CWF19L2: variants seen among roughly 807,000 people sequenced by gnomAD.
CWF19L2 encodes the protein CWF19-like protein 2.
In CWF19L2, 98 loss-of-function variants were observed where a neutral mutation model predicts 111.7. The observed-to-expected ratio is 0.88, with a 90% confidence interval of 0.75 to 1.04. CWF19L2 has a LOEUF of 1.04. CWF19L2 is among the 50% of genes least tolerant of loss of function. The probability of loss-of-function intolerance (pLI) is 0.00; values close to 1 mark genes in which losing one functional copy is unlikely to be tolerated. For synonymous variants in CWF19L2, 351 were observed against 342.9 expected, an observed-to-expected ratio of 1.02 and a Z score of -0.26; for missense variants, 1,101 against 1,051.4, an observed-to-expected ratio of 1.05 and a Z score of -0.65.
Position 107,455,625 on chromosome 11 carries a change from G to A in CWF19L2, c.216+41C>T, listed in dbSNP as rs377601919. ...TATTAACTTGAATACGTGCAAAAAA[G>A]GACAGATATCCTTACATCACGTAAA... is the stretch of plus-strand genomic sequence containing the variant. On this transcript the variant is annotated intron_variant, in intron 2 of 17. Transcript: ENST00000282251. 82 of 1,165,160 alleles carry A rather than the reference G, an allele frequency of 7.0e-5. No individual in the cohort carries two copies. The African/African-American group carries it at 1.1e-3, about 15-fold the overall frequency. The allele number at this position is 1,165,160 out of a possible 1,614,324, so 72.2% of individuals were successfully genotyped here. A position where few individuals can be genotyped will look rare whatever the true frequency, so the allele number is the denominator to read the frequency against.
At chr11:107,445,067 T>A (rs1383253448) in intron 3 of CWF19L2, among the ~76,000 whole-genome samples, 2 of 151,938 alleles carry the variant, frequency 1.3e-5, no homozygotes, top group African/African-American at 4.8e-5. Flanking sequence ...GAAATAGAAA[T>A]CAGCAAAAAT....
At chr11:107,351,669 C>T (rs513717) in intron 13 of CWF19L2, among the ~76,000 whole-genome samples, 81,724 of 151,928 alleles carry the variant, frequency 0.54, 23,041 homozygotes, top group African/African-American at 0.72. Flanking sequence ...TTATTTACTA[C>T]TCCATATACT....
At chr11:107,391,491 C>T (rs556793839) in intron 11 of CWF19L2, among the ~76,000 whole-genome samples, 53 of 152,262 alleles carry the variant, frequency 3.5e-4, no homozygotes, top group Middle Eastern at 6.8e-3. Flanking sequence ...GTTACAGTAG[C>T]CTGAACTAAG....
rs576158706 is a variant in CWF19L2 at position 107,358,612 on chromosome 11, T to C, written c.1873-4876A>G. On this transcript the variant is annotated intron_variant, in intron 12 of 17. Transcript: ENST00000282251. ...AGTCAGTCATTTAAAAAAACACTATTCTATGATTCCATTCATATGAAATGT... is the reference window on the plus strand; with the variant it reads ...AGTCAGTCATTTAAAAAAACACTATCCTATGATTCCATTCATATGAAATGT... Among the ~76,000 whole-genome samples the C allele has an allele frequency of 2.6e-5, 4 of 152,332 alleles. No homozygotes were observed. In the East Asian group the frequency reaches 7.7e-4, roughly 29 times the overall value.
intron 10 of CWF19L2, among the ~76,000 whole-genome samples, chr11:107,401,846 A>G (rs983704230): frequency 6.6e-5 from 10 of 152,246 alleles, no homozygotes; most frequent in Non-Finnish European, 1.3e-4. Flanking sequence ...ATAAGGCCAT[A>G]GTCACCAAAA....
chr11:107,427,463 T>C (rs974722868), intron 8 of CWF19L2, among the ~76,000 whole-genome samples: 1 of 152,122 alleles, frequency 6.6e-6, no homozygotes, highest in East Asian at 1.9e-4. Context: ...GCCTGTATTA[T>C]AGTGTATCTA....
intron 8 of CWF19L2, among the ~76,000 whole-genome samples, chr11:107,427,304 G>A (rs1443798257): frequency 6.6e-6 from 1 of 151,714 alleles, no homozygotes; most frequent in Non-Finnish European, 1.5e-5. Flanking sequence ...CAAACCCTCT[G>A]TACCATCAAA....
intron 12 of CWF19L2, among the ~76,000 whole-genome samples, chr11:107,359,844 G>C (rs58976500): frequency 6.6e-6 from 1 of 152,016 alleles, no homozygotes; most frequent in Non-Finnish European, 1.5e-5. Context: ...CTGCTACCTC[G>C]CTGCTATGAC....
intron 12 of CWF19L2, among the ~76,000 whole-genome samples, chr11:107,362,579 G>C (rs1860371200): frequency 6.6e-6 from 1 of 152,054 alleles, no homozygotes; most frequent in Admixed American, 6.5e-5. Context: ...ACCTCACATG[G>C]CTGGGTACTC....
intron 14 of CWF19L2, among the ~76,000 whole-genome samples, chr11:107,344,221 T>C (rs912895583): frequency 2.6e-5 from 4 of 151,958 alleles, no homozygotes; most frequent in Admixed American, 1.3e-4. Flanking sequence ...TCAAAAAAAG[T>C]TTCTGGGGCT....
intron 8 of CWF19L2, among the ~76,000 whole-genome samples, chr11:107,421,744 T>G (rs2135402265): frequency 6.6e-6 from 1 of 152,238 alleles, no homozygotes; most frequent in Middle Eastern, 3.4e-3. Flanking sequence ...GAAACTCTTA[T>G]ACACTGTTGG....
At chr11:107,456,884 AT>A (rs1861863344) in intron 1 of CWF19L2, among the ~76,000 whole-genome samples, 1 of 152,122 alleles carries the variant, frequency 6.6e-6, no homozygotes, top group Non-Finnish European at 1.5e-5. Flanking sequence ...CCCTCAAATT[AT>A]TTGCCAAATT....
rs1368189052 is a variant in CWF19L2 at position 107,443,001 on chromosome 11, T to C, written c.388A>G (p.Lys130Glu). 1.3e-6 allele frequency: 2 copies of C among 1,551,942 alleles called. No individual in the cohort carries two copies. Among genetic ancestry groups the C allele is most frequent in the Middle Eastern group, 3.3e-4 (2 of 5,992 alleles). The change falls in exon 4 of 18, where the codon AAG becomes GAG. Residue 130 changes from lysine (K) to glutamate (E), a missense_variant. Lys to Glu is a moderately conservative substitution (Grantham distance 56). Coordinates refer to ENST00000282251, the MANE Select transcript of CWF19L2 (RefSeq NM_152434.3). Reference protein sequence around the residue: ...VEAVPSQTPDKEKAWKVKDEK... With the variant: ...VEAVPSQTPDEEKAWKVKDEK... Reference sequence around the variant, plus strand: ...TCTTTCACTTTCCAGGCTTTTTCCTTGTCAGGAGTCTGGGATGGAACAGCC... The same window carrying C: ...TCTTTCACTTTCCAGGCTTTTTCCTCGTCAGGAGTCTGGGATGGAACAGCC...
rs914960623 is a variant in CWF19L2 at position 107,455,825 on chromosome 11, G to T, written c.106-49C>A. On this transcript the variant is annotated intron_variant, in intron 1 of 17. Coordinates refer to ENST00000282251, the MANE Select transcript of CWF19L2 (RefSeq NM_152434.3). Reference sequence around the variant, plus strand: ...ACAAACTGGCAATTGACCCAACTGGGTTTCACAAAAAAAGGAAAACAAAAA... The same window carrying T: ...ACAAACTGGCAATTGACCCAACTGGTTTTCACAAAAAAAGGAAAACAAAAA... 17 of 1,169,028 alleles carry T rather than the reference G, an allele frequency of 1.5e-5. No homozygotes were observed. In the East Asian group the frequency reaches 4.1e-4, roughly 28 times the overall value. The allele number at this position is 1,169,028 out of a possible 1,614,324, so 72.4% of individuals were successfully genotyped here. A position where few individuals can be genotyped will look rare whatever the true frequency, so the allele number is the denominator to read the frequency against.
intron 8 of CWF19L2, among the ~76,000 whole-genome samples, chr11:107,421,976 G>A (rs1417832753): frequency 6.6e-6 from 1 of 151,980 alleles, no homozygotes; most frequent in Non-Finnish European, 1.5e-5. Flanking sequence ...ACCAACAGGA[G>A]AATGGAAAAA....
rs1438639818 is a variant in CWF19L2, at chr11:107,367,902, C to G, written c.1873-14166G>C. 2.2e-5 allele frequency among the ~76,000 whole-genome samples: 3 copies of G among 136,254 alleles called. 1 individual carries two copies. The highest frequency in any genetic ancestry group is 3.1e-5 in the Non-Finnish European group (2 of 63,820). 89.4% of individuals were successfully genotyped at this position (136,254 alleles called of 152,430 possible). On this transcript the variant is annotated intron_variant, in intron 12 of 17. Coordinates refer to ENST00000282251, the MANE Select transcript of CWF19L2 (RefSeq NM_152434.3). Reference sequence around the variant, plus strand: ...TGAAACTTTACTGAATTTTTTTAAACAAATGAAACTGCAAATACAGCATAC... The same window carrying G: ...TGAAACTTTACTGAATTTTTTTAAAGAAATGAAACTGCAAATACAGCATAC...
intron 12 of CWF19L2, among the ~76,000 whole-genome samples, chr11:107,354,100 C>CTTT (rs58883142): frequency 6.9e-6 from 1 of 144,216 alleles, no homozygotes; most frequent in Non-Finnish European, 1.5e-5. Context: ...GAATGTGGAA[C>CTTT]TTTTTTTTTT....
intron 12 of CWF19L2, among the ~76,000 whole-genome samples, chr11:107,363,077 T>C (rs1860381816): frequency 6.6e-6 from 1 of 151,906 alleles, no homozygotes; most frequent in Non-Finnish European, 1.5e-5. Flanking sequence ...GTATCAGCGA[T>C]GGAAGATGAA....
At chr11:107,415,196 C>T (rs1374863288) in intron 10 of CWF19L2, among the ~76,000 whole-genome samples, 3 of 152,140 alleles carry the variant, frequency 2.0e-5, no homozygotes, top group Non-Finnish European at 2.9e-5. Context: ...AGACATATTT[C>T]CATCTTTGGG....
Sources: gnomAD v4.1 joint callset for allele counts (sites outside exome capture counted in the v4.1 genomes callset) on GRCh38, gnomAD v4.1.1 for gene constraint, MANE v1.5 for transcripts, NCBI Gene and HGNC (gene_info 2026-07-23, HGNC 2026-07-21) for gene names.